Variants in CAMTA1 observed in about 807,000 individuals in gnomAD.
The protein encoded by CAMTA1 is calmodulin-binding transcription activator 1.
Under a neutral mutation model 170.9 loss-of-function variants are expected in CAMTA1, and 27 were observed. The ratio of observed to expected loss-of-function variants is 0.16; its 90% CI spans 0.12 to 0.22. The LOEUF (loss-of-function observed/expected upper bound fraction) is 0.22. Ranked by LOEUF, CAMTA1 falls within the 10% of genes least tolerant of loss-of-function variation. The pLI, the probability that CAMTA1 is intolerant of heterozygous loss-of-function variation, is 1.00. For missense variants in CAMTA1, 1,619 were observed against 2,217.2 expected (o/e 0.73, Z 5.42); for synonymous variants, 833 against 891.5 (o/e 0.93, Z 1.17).
At chr1:7,518,639 T>C (rs574171832) in intron 6 of CAMTA1, among the ~76,000 whole-genome samples, 3 of 152,006 alleles carry the variant, frequency 2.0e-5, no homozygotes, top group Non-Finnish European at 2.9e-5. Flanking sequence ...CCAGCGCTGG[T>C]TCCAGGAGAA....
At chr1:6,939,384 A>G (rs964538337) in intron 3 of CAMTA1, among the ~76,000 whole-genome samples, 2 of 152,264 alleles carry the variant, frequency 1.3e-5, no homozygotes, top group African/African-American at 4.8e-5. Context: ...CATAATTATC[A>G]TATGGCCTCA....
At chr1:7,696,511 A>ATTT (rs2096378963) in intron 11 of CAMTA1, among the ~76,000 whole-genome samples, 30 of 107,408 alleles carry the variant, frequency 2.8e-4, no homozygotes, top group African/African-American at 1.1e-3. Context: ...TTTTTTTTTA[A>ATTT]AATAAATGTT....
In CAMTA1 at chr1:7,065,262, G is replaced by A. The variant is rs1411607917; in HGVS notation, c.235-26042G>A. On this transcript the variant is annotated intron_variant, in intron 3 of 22. Coordinates refer to ENST00000303635, the MANE Select transcript of CAMTA1 (RefSeq NM_015215.4). The surrounding 1 kb of genome is among the most constrained non-coding windows in gnomAD (Gnocchi z 5.2). ...AGGAGGAGATGGTGATGGGGCAGAG[G>A]AGAAGGGGGAACCAGTTGTTGCAGG... Among the ~76,000 whole-genome samples the A allele has an allele frequency of 6.6e-5, 10 of 152,122 alleles. No individual in the cohort carries two copies. Among genetic ancestry groups the A allele is most frequent in the Admixed American group, 6.5e-4 (10 of 15,276 alleles).
intron 3 of CAMTA1, among the ~76,000 whole-genome samples, chr1:7,022,454 A>G (rs543460356): frequency 2.0e-4 from 31 of 152,294 alleles, no homozygotes; most frequent in African/African-American, 6.5e-4. Context: ...TTGGCCTTCT[A>G]ATTAGTCTAG....
At chr1:7,338,270 A>C (rs2083542998) in intron 5 of CAMTA1, among the ~76,000 whole-genome samples, 1 of 152,132 alleles carries the variant, frequency 6.6e-6, no homozygotes, top group African/African-American at 2.4e-5. Context: ...CCTTCCACAG[A>C]AACAAGTGTA....
At chr1:7,090,257 C>T (rs1395488083) in intron 3 of CAMTA1, among the ~76,000 whole-genome samples, 1 of 152,206 alleles carries the variant, frequency 6.6e-6, no homozygotes, top group Non-Finnish European at 1.5e-5. Flanking sequence ...TTTAGCATCT[C>T]TGGTCACTGG....
At chr1:7,035,583 T>C (rs576109303) in intron 3 of CAMTA1, among the ~76,000 whole-genome samples, 6 of 152,348 alleles carry the variant, frequency 3.9e-5, no homozygotes, top group African/African-American at 1.2e-4. Flanking sequence ...TTACCCACGG[T>C]TGCTTTTGCT....
intron 22 of CAMTA1, among the ~76,000 whole-genome samples, chr1:7,764,088 T>C (rs2096998055): frequency 6.6e-6 from 1 of 152,094 alleles, no homozygotes; most frequent in Non-Finnish European, 1.5e-5. Flanking sequence ...GAACAGACTA[T>C]AGCATGTTTC....
intron 3 of CAMTA1, among the ~76,000 whole-genome samples, chr1:6,937,206 T>A (rs1685476538): frequency 1.3e-5 from 2 of 148,550 alleles, no homozygotes; most frequent in African/African-American, 2.5e-5. Flanking sequence ...TCATCACTTA[T>A]CACCATCATC....
chr1:7,583,533 TG>T (rs1274732638), intron 6 of CAMTA1, among the ~76,000 whole-genome samples: 1 of 152,150 alleles, frequency 6.6e-6, no homozygotes, highest in Non-Finnish European at 1.5e-5. Flanking sequence ...AGGCAGAGGC[TG>T]GCCCTGCATG....
intron 5 of CAMTA1, among the ~76,000 whole-genome samples, chr1:7,425,398 C>T (rs749816128): frequency 2.0e-5 from 3 of 152,116 alleles, no homozygotes; most frequent in Non-Finnish European, 4.4e-5. Flanking sequence ...GAAAGAGGCC[C>T]TGGCAGTCCC....
chr1:6,838,938 G>A (rs1361909278), intron 3 of CAMTA1, among the ~76,000 whole-genome samples: 1 of 152,010 alleles, frequency 6.6e-6, no homozygotes, highest in Non-Finnish European at 1.5e-5. Context: ...TTTATTTTTT[G>A]TGGAGACAGG....
chr1:7,153,415 G>A (rs533001642), intron 4 of CAMTA1, among the ~76,000 whole-genome samples: 1 of 152,234 alleles, frequency 6.6e-6, no homozygotes, highest in East Asian at 1.9e-4. Context: ...ATTTGCAAGC[G>A]TTATTTGAGG....
intron 6 of CAMTA1, among the ~76,000 whole-genome samples, chr1:7,563,155 C>T (rs905840142): frequency 1.3e-5 from 2 of 152,358 alleles, no homozygotes; most frequent in East Asian, 1.9e-4. Context: ...CCCCAGGCAT[C>T]GGGGCAGCCC....
intron 3 of CAMTA1, among the ~76,000 whole-genome samples, chr1:6,955,852 G>A (rs1045425208): frequency 6.6e-6 from 1 of 152,150 alleles, no homozygotes; most frequent in Non-Finnish European, 1.5e-5. Context: ...ACCATGCCCA[G>A]CAGAGTCAAG....
chr1:7,743,345 C>T (rs1453630405), intron 16 of CAMTA1, among the ~76,000 whole-genome samples: 3 of 152,084 alleles, frequency 2.0e-5, no homozygotes, highest in South Asian at 2.1e-4. Context: ...GTATAATTTA[C>T]GTATGATAAA....
intron 4 of CAMTA1, among the ~76,000 whole-genome samples, chr1:7,230,927 CA>C (rs1180857956): frequency 6.6e-6 from 1 of 152,136 alleles, no homozygotes; most frequent in Admixed American, 6.5e-5. Context: ...CAGAGTCACT[CA>C]GCACCATGCT....
intron 21 of CAMTA1, among the ~76,000 whole-genome samples, chr1:7,755,229 G>A (rs540746344): frequency 2.6e-5 from 4 of 151,288 alleles, no homozygotes; most frequent in Non-Finnish European, 4.4e-5. Context: ...TGGGAGGCTG[G>A]GGCAGGAGAA....
At chr1:6,910,990 A>G (rs1679569228) in intron 3 of CAMTA1, among the ~76,000 whole-genome samples, 1 of 152,200 alleles carries the variant, frequency 6.6e-6, no homozygotes, top group Non-Finnish European at 1.5e-5. Flanking sequence ...CCAGGATGTC[A>G]TCCTAAATTG....
Sources: allele counts gnomAD v4.1 joint callset (sites outside exome capture counted in the v4.1 genomes callset), GRCh38; gene constraint gnomAD v4.1.1; non-coding constraint Gnocchi (gnomAD v3.1); transcripts MANE v1.5; gene names NCBI Gene and HGNC (gene_info 2026-07-23, HGNC 2026-07-21).